Variants in AVEN observed in about 807,000 individuals in gnomAD.
AVEN encodes the protein apoptosis and caspase activation inhibitor, also known as cell death regulator Aven.
A neutral mutation model predicts 38.1 loss-of-function variants in AVEN; 41 were observed. The ratio of observed to expected loss-of-function variants is 1.08; its 90% CI spans 0.84 to 1.40. The LOEUF (loss-of-function observed/expected upper bound fraction) is 1.40, where lower values mean the gene tolerates loss of function less well. Among genes scored for constraint, AVEN ranks in the 40% most tolerant of loss-of-function variants. The pLI is 0.00. For missense variants in AVEN, 605 were observed against 438.8 expected (o/e 1.38, Z -3.38); for synonymous variants, 206 against 171.8 (o/e 1.20, Z -1.56).
downstream of AVEN, chr15:33,864,170 A>G: frequency 6.2e-7 from 1 of 1,612,240 alleles, no homozygotes; most frequent in Non-Finnish European, 8.5e-7. Flanking sequence ...AATAAAGATG[A>G]AACAGAGCAC....
chr15:33,883,688 T>G (rs982751575), intron 2 of AVEN: 1 of 152,240 alleles, frequency 6.6e-6, no homozygotes, highest in East Asian at 1.9e-4. Flanking sequence ...AATGTGGGAT[T>G]GAAGGAAACT....
intron 2 of AVEN, among the ~76,000 whole-genome samples, chr15:33,983,056 A>C (rs946651408): frequency 6.6e-6 from 1 of 151,764 alleles, no homozygotes; most frequent in Non-Finnish European, 1.5e-5. Flanking sequence ...GGTTTTTCTG[A>C]GCAACGGATT....
At chr15:33,932,830 T>TAAAC (rs1280491817) in intron 2 of AVEN, among the ~76,000 whole-genome samples, 133 of 142,778 alleles carry the variant, frequency 9.3e-4, no homozygotes, top group African/African-American at 1.8e-3. Flanking sequence ...CATCACAAAA[T>TAAAC]AAACAAACAA....
At chr15:33,923,583 A>G (rs1033228716) in intron 2 of AVEN, among the ~76,000 whole-genome samples, 3 of 152,224 alleles carry the variant, frequency 2.0e-5, no homozygotes, top group African/African-American at 7.2e-5. Context: ...CAATCAGTCA[A>G]TAAGTAAATA....
At chr15:33,917,351 GGTGTGT>G (rs148147589) in intron 2 of AVEN, among the ~76,000 whole-genome samples, 65 of 140,356 alleles carry the variant, frequency 4.6e-4, no homozygotes, top group Admixed American at 1.7e-3. Flanking sequence ...AAGAAAATGT[GGTGTGT>G]GTGTGTGTGT....
At chr15:34,067,764 A>G (rs991696855) in intron 2 of AVEN, among the ~76,000 whole-genome samples, 13 of 152,130 alleles carry the variant, frequency 8.5e-5, no homozygotes, top group Non-Finnish European at 1.6e-4. Flanking sequence ...CCGAGTGGAG[A>G]CTGCACAAAA....
At chr15:33,916,025 C>T (rs1893122699) in intron 2 of AVEN, among the ~76,000 whole-genome samples, 1 of 152,136 alleles carries the variant, frequency 6.6e-6, no homozygotes, top group Admixed American at 6.5e-5. Flanking sequence ...GCAAGCCCCA[C>T]CCACGGAGAG....
At chr15:34,030,396 A>T (rs1898723963) in intron 1 of AVEN, among the ~76,000 whole-genome samples, 2 of 151,784 alleles carry the variant, frequency 1.3e-5, no homozygotes, top group Non-Finnish European at 2.9e-5. Flanking sequence ...CCCAGGCTGG[A>T]GTGCAGTGGC....
chr15:33,876,752 T>C (rs1195675341), intron 2 of AVEN, among the ~76,000 whole-genome samples: 2 of 152,218 alleles, frequency 1.3e-5, no homozygotes, highest in Non-Finnish European at 2.9e-5. Flanking sequence ...CATATTTTGA[T>C]AGGTGTGTGT....
At chr15:33,853,736 G>C in the AVEN span, 1 of 1,571,476 alleles carries the variant, frequency 6.4e-7, no homozygotes, top group Non-Finnish European at 8.6e-7. Context: ...ATAGATCTTT[G>C]CTTTTCCATA....
intron 3 of AVEN, among the ~76,000 whole-genome samples, chr15:33,873,074 A>G (rs541623352): frequency 2.8e-5 from 4 of 142,630 alleles, no homozygotes; most frequent in Admixed American, 1.4e-4. Flanking sequence ...AAGACAAAAC[A>G]TATTTCTACT....
intron 2 of AVEN, among the ~76,000 whole-genome samples, chr15:33,929,874 G>A (rs80134358): frequency 0.042 from 6,409 of 152,032 alleles, 300 homozygotes; most frequent in African/African-American, 0.12. Flanking sequence ...AACAAACAGG[G>A]GCATAAGGCA....
chr15:33,961,596 G>C lies in AVEN; in HGVS notation c.445+41436C>G, dbSNP rs563449307. Among the ~76,000 whole-genome samples the C allele has an allele frequency of 1.5e-4, 22 of 151,718 alleles. No individual in the cohort carries two copies. In the South Asian group the frequency reaches 3.3e-3, roughly 23 times the overall value. On this transcript the variant is annotated intron_variant, in intron 2 of 5. Coordinates refer to ENST00000306730, the MANE Select transcript of AVEN (RefSeq NM_020371.3). ...TGGGAGGCCAAGGTGGGCGAATCAC[G>C]AGGTCAGGAGATCGAGACCATTCTG...
chr15:34,017,928 A>G (rs561850392), intron 1 of AVEN, among the ~76,000 whole-genome samples: 10 of 152,372 alleles, frequency 6.6e-5, no homozygotes, highest in African/African-American at 2.4e-4. Flanking sequence ...CATAGTGCAC[A>G]GCATTATTCA....
chr15:33,890,213 G>T (rs117767357), intron 2 of AVEN, among the ~76,000 whole-genome samples: 4,989 of 152,126 alleles, frequency 0.033, 162 homozygotes, highest in Non-Finnish European at 0.04. Flanking sequence ...CTTAGTTGGG[G>T]CTCGATGCTG....
At chr15:34,014,094 G>A (rs990744600) in intron 1 of AVEN, among the ~76,000 whole-genome samples, 4 of 152,126 alleles carry the variant, frequency 2.6e-5, no homozygotes, top group African/African-American at 9.7e-5. Context: ...TGGGCACAGT[G>A]GCTCACGCCT....
chr15:33,904,710 T>TACACACACACACACACAC lies in AVEN; in HGVS notation c.446-28716_446-28715insGTGTGTGTGTGTGTGTGT, dbSNP rs1369829949. Among the ~76,000 whole-genome samples the TACACACACACACACACAC allele has an allele frequency of 4.8e-3, 577 of 121,120 alleles. 4 individuals are homozygous for TACACACACACACACACAC. Among genetic ancestry groups the TACACACACACACACACAC allele is most frequent in the Middle Eastern group, 8.1e-3 (2 of 246 alleles). The allele number at this position is 121,120 out of a possible 152,430, so 79.5% of individuals were successfully genotyped here. A position where few individuals can be genotyped will look rare whatever the true frequency, so the allele number is the denominator to read the frequency against. ...AAAAAAAAAAATATATATATATATA[T>TACACACACACACACACAC]ATATATACACACACACACGAATATG... On this transcript the variant is annotated intron_variant, in intron 2 of 5. Coordinates refer to ENST00000306730, the MANE Select transcript of AVEN (RefSeq NM_020371.3).
intron 1 of AVEN, among the ~76,000 whole-genome samples, chr15:34,036,304 T>C (rs1359411460): frequency 1.3e-5 from 2 of 152,098 alleles, no homozygotes; most frequent in Non-Finnish European, 2.9e-5. Context: ...CATAGCTATG[T>C]AGAAGTTGGT....
chr15:33,910,534 TG>T (rs1260188694), intron 2 of AVEN, among the ~76,000 whole-genome samples: 1 of 152,182 alleles, frequency 6.6e-6, no homozygotes, highest in East Asian at 1.9e-4. Context: ...GCCAAAGTGA[TG>T]CTATACAAGG....
Sources: allele counts gnomAD v4.1 joint callset (sites outside exome capture counted in the v4.1 genomes callset), GRCh38; gene constraint gnomAD v4.1.1; transcripts MANE v1.5; gene names NCBI Gene and HGNC (gene_info 2026-07-23, HGNC 2026-07-21).